Variants in RIPK4 observed in about 807,000 individuals in gnomAD.
RIPK4 encodes receptor interacting serine/threonine kinase 4.
Under a neutral mutation model 42.9 loss-of-function variants are expected in RIPK4, and 17 were observed. The observed-to-expected ratio is 0.40, with a 90% CI of 0.27 to 0.59. RIPK4 has a LOEUF of 0.59. Ranked by LOEUF, RIPK4 falls within the 20% of genes least tolerant of loss-of-function variation. The pLI is 0.47. For synonymous variants in RIPK4, 498 were observed against 499.1 expected, an observed-to-expected ratio of 1.00 and a Z score of 0.03; for missense variants, 897 against 1,104.4, an observed-to-expected ratio of 0.81 and a Z score of 2.66.
chr21:41,745,536 G>A (rs957949711), intron 6 of RIPK4, among the ~76,000 whole-genome samples: 3 of 152,170 alleles, frequency 2.0e-5, no homozygotes, highest in Non-Finnish European at 4.4e-5. Context: ...AAGCCCTTCC[G>A]CCACTCACGC....
intron 1 of RIPK4, among the ~76,000 whole-genome samples, chr21:41,764,571 A>T (rs531378231): frequency 3.9e-5 from 6 of 152,134 alleles, no homozygotes; most frequent in African/African-American, 1.2e-4. Context: ...TCTTGCAAAT[A>T]TGAGGGGCTG....
At chr21:41,766,794 A>T in intron 1 of RIPK4, 66 bp downstream of exon 1, 1 of 1,503,214 alleles carries the variant, frequency 6.7e-7, no homozygotes, top group Non-Finnish European at 9.0e-7. Context: ...CCCCGGGACC[A>T]GAGCACCCCG....
In RIPK4 at chr21:41,756,942, G is replaced by A. The variant is rs145081427; in HGVS notation, c.183-126C>T. 9.7e-4 allele frequency: 903 copies of A among 932,076 alleles called. 1 individual carries two copies. The highest frequency in any genetic ancestry group is 1.3e-3 in the Non-Finnish European group (832 of 628,684). The allele number at this position is 932,076 out of a possible 1,614,324, so 57.7% of individuals were successfully genotyped here. On this transcript the variant is annotated intron_variant, in intron 1 of 7. Transcript: ENST00000332512. ...AAATGCCTCAAGTGCACACACATGG[G>A]GCACACTTCAATGTCACATCACGAA... is the stretch of plus-strand genomic sequence containing the variant.
chr21:41,744,771 G>T (rs2061165655), intron 6 of RIPK4, among the ~76,000 whole-genome samples: 1 of 152,164 alleles, frequency 6.6e-6, no homozygotes, highest in Non-Finnish European at 1.5e-5. Flanking sequence ...GAGCCACGTG[G>T]GGCTGGCCTG....
At chr21:41,748,214 G>A (rs1254076453) in intron 4 of RIPK4, among the ~76,000 whole-genome samples, 1 of 152,222 alleles carries the variant, frequency 6.6e-6, no homozygotes, top group African/African-American at 2.4e-5. Flanking sequence ...CAAGATACTT[G>A]ATCTTGCGAT....
intron 2 of RIPK4, among the ~76,000 whole-genome samples, chr21:41,752,560 G>A (rs934030164): frequency 2.0e-5 from 3 of 152,184 alleles, no homozygotes; most frequent in Non-Finnish European, 4.4e-5. Flanking sequence ...CTTCAGGCCT[G>A]CACCGCCCTT....
chr21:41,741,843 T>C lies in RIPK4; in HGVS notation c.1350A>G (p.Gln450=), dbSNP rs1188642623. The C allele has an allele frequency of 6.2e-7, 1 of 1,611,718 alleles. No homozygotes were observed. Among genetic ancestry groups the C allele is most frequent in the African/African-American group, 1.3e-5 (1 of 74,904 alleles). ...GCAGCAGCCACTTGGCGCACTCCTC[T>C]TGCCCGGCCTCCACCGCCAGGTGCA... is the stretch of plus-strand genomic sequence containing the variant. The part of the protein sequence containing the change: ...SLLHLAVEAG[Q]EECAKWLLLN... The change falls in exon 8 of 8, where the codon CAA becomes CAG. Residue 450 remains glutamine (Q), a synonymous_variant. Coordinates refer to ENST00000332512, the MANE Select transcript of RIPK4 (RefSeq NM_020639.3).
intron 3 of RIPK4, among the ~76,000 whole-genome samples, chr21:41,750,692 G>C (rs1156992770): frequency 6.6e-6 from 1 of 152,072 alleles, no homozygotes; most frequent in Non-Finnish European, 1.5e-5. Context: ...CTGTTTGTTT[G>C]TTTTTTAGAC....
chr21:41,751,260 T>A lies in RIPK4; in HGVS notation c.475-15A>T, dbSNP rs545748728. On this transcript the variant is annotated splice_polypyrimidine_tract_variant and intron_variant, in intron 2 of 7. Transcript: ENST00000332512. The surrounding 1 kb of genome is among the most constrained non-coding windows in gnomAD (Gnocchi z 4.5). ...AAATCAGAAATCTGCAACACAGCCA[T>A]CAGAGCGGGGCTCATTAGCCTGCAA... 1 of 1,613,854 alleles carries A rather than the reference T, an allele frequency of 6.2e-7. No individual in the cohort carries two copies. Among genetic ancestry groups the A allele is most frequent in the Admixed American group, 1.7e-5 (1 of 59,994 alleles).
At chr21:41,752,812 G>A (rs79566920) in intron 2 of RIPK4, among the ~76,000 whole-genome samples, 2,157 of 152,138 alleles carry the variant, frequency 0.014, 40 homozygotes, top group African/African-American at 0.048. Context: ...ATCACACGCC[G>A]GGCCCTGTCG....
rs552585638 is a variant in RIPK4, at chr21:41,760,307, A to G, written c.183-3491T>C. Among the ~76,000 whole-genome samples the G allele has an allele frequency of 6.6e-4, 100 of 152,338 alleles. 3 individuals are homozygous for G. In the South Asian group the frequency reaches 0.02, roughly 31 times the overall value. ...AATCCACCATATGTCAGAACTAAGG[A>G]CAAGAGGTCCCTTTCCCGCCTTCAT... is the stretch of plus-strand genomic sequence containing the variant. On this transcript the variant is annotated intron_variant, in intron 1 of 7. Transcript: ENST00000332512.
chr21:41,764,588 G>A (rs997332057), intron 1 of RIPK4, among the ~76,000 whole-genome samples: 2 of 152,180 alleles, frequency 1.3e-5, no homozygotes, highest in African/African-American at 4.8e-5. Flanking sequence ...GCTGGGGTGG[G>A]AGGCAGCTCG....
chr21:41,744,002 C>T lies in RIPK4; in HGVS notation c.1075G>A (p.Glu359Lys). Residue 359 changes from glutamate to lysine, a missense_variant, in exon 7 of 8, where the codon GAG becomes AAG. By Grantham distance (56) the Glu-to-Lys change is moderately conservative. Transcript: ENST00000332512. Reference protein sequence around the residue: ...GPEELSRSSSESKLPSSGSGK... With the variant: ...GPEELSRSSSKSKLPSSGSGK... ...CTGCCGGACGATGGCAGCTTGGACT[C>T]AGAGGAGCTGCGGCTGAGCTCCTCG... 6.2e-7 allele frequency: 1 copy of T among 1,613,418 alleles called. No homozygotes were observed. The highest frequency in any genetic ancestry group is 8.5e-7 in the Non-Finnish European group (1 of 1,180,014).
In RIPK4 at chr21:41,740,706, C is replaced by G. The variant is rs2061149846; in HGVS notation, c.*132G>C. 1.1e-6 allele frequency: 1 copy of G among 917,566 alleles called. No homozygotes were observed. Among genetic ancestry groups the G allele is most frequent in the African/African-American group, 1.7e-5 (1 of 59,756 alleles). The allele number at this position is 917,566 out of a possible 1,614,324, so 56.8% of individuals were successfully genotyped here. Reference sequence around the variant, plus strand: ...CAGCAGCAGCCGCCTCCTGATGGCACCATGTCACCTCTGCTTGGTTAACAT... The same window carrying G: ...CAGCAGCAGCCGCCTCCTGATGGCAGCATGTCACCTCTGCTTGGTTAACAT... On this transcript the variant is annotated 3_prime_UTR_variant, in exon 8 of 8. Coordinates refer to ENST00000332512, the MANE Select transcript of RIPK4 (RefSeq NM_020639.3).
rs1397822453 is a variant in RIPK4 at position 41,742,812 on chromosome 21, A to G, written c.1196-815T>C. ...GAGCATGAAGACAAGATGTCATTTC[A>G]GAGTATTAGACCCAAAGAGAATGTT... On this transcript the variant is annotated intron_variant, in intron 7 of 7. Coordinates refer to ENST00000332512, the MANE Select transcript of RIPK4 (RefSeq NM_020639.3). The surrounding 1 kb of genome is among the most constrained non-coding windows in gnomAD (Gnocchi z 5.1). Among the ~76,000 whole-genome samples the G allele has an allele frequency of 2.6e-5, 4 of 152,180 alleles. No homozygotes were observed. Among genetic ancestry groups the G allele is most frequent in the Non-Finnish European group, 5.9e-5 (4 of 68,048 alleles).
Position 41,751,279 on chromosome 21 carries a change from C to T in RIPK4, c.475-34G>A. Reference sequence around the variant, plus strand: ...CAGCCATCAGAGCGGGGCTCATTAGCCTGCAACAGTGATATTTTATGATGC... The same window carrying T: ...CAGCCATCAGAGCGGGGCTCATTAGTCTGCAACAGTGATATTTTATGATGC... On this transcript the variant is annotated intron_variant, in intron 2 of 7. Transcript: ENST00000332512. This position sits in a 1 kb window ranked among gnomAD's most constrained non-coding sequence, Gnocchi z 4.5. 7 of 1,608,706 alleles carry T rather than the reference C, an allele frequency of 4.4e-6. No individual in the cohort carries two copies. The highest frequency in any genetic ancestry group is 5.9e-6 in the Non-Finnish European group (7 of 1,176,580).
chr21:41,758,041 T>TATATAGAGAGAGAG (rs1452050960), intron 1 of RIPK4, among the ~76,000 whole-genome samples: 1 of 58,516 alleles, frequency 1.7e-5, no homozygotes, highest in Non-Finnish European at 2.8e-5. Context: ...TATATATATA[T>TATATAGAGAGAGAG]AGAGAGAGAG....
chr21:41,746,410 A>G (rs1435104066), intron 5 of RIPK4, among the ~76,000 whole-genome samples: 1 of 152,242 alleles, frequency 6.6e-6, no homozygotes, highest in Non-Finnish European at 1.5e-5. Context: ...GAGGCAACTC[A>G]GTTCCAGCTG....
chr21:41,745,182 C>G (rs1273095741), intron 6 of RIPK4, among the ~76,000 whole-genome samples: 1 of 152,190 alleles, frequency 6.6e-6, no homozygotes, highest in African/African-American at 2.4e-5. Flanking sequence ...ATACATATTT[C>G]CTGATCTCCT....
Sources: allele counts gnomAD v4.1 joint callset (sites outside exome capture counted in the v4.1 genomes callset), GRCh38; gene constraint gnomAD v4.1.1; non-coding constraint Gnocchi (gnomAD v3.1); transcripts MANE v1.5; gene names NCBI Gene and HGNC (gene_info 2026-07-23, HGNC 2026-07-21).